The following GFOD2 variants were observed in gnomAD, a reference collection of about 807,000 sequenced individuals.
GFOD2 encodes the protein glucose-fructose oxidoreductase domain-containing protein 2.
Under a neutral mutation model 24.6 loss-of-function variants are expected in GFOD2, and 9 were observed. That is an observed-to-expected ratio of 0.37 (90% CI 0.22 to 0.64). The LOEUF is 0.64. GFOD2 is among the 30% of genes least tolerant of loss of function. The pLI is 0.65. For missense variants in GFOD2, 476 were observed against 532.5 expected (o/e 0.89, Z 1.04); for synonymous variants, 211 against 224.8 (o/e 0.94, Z 0.55).
chr16:67,691,211 C>G (rs910570031), intron 1 of GFOD2, among the ~76,000 whole-genome samples: 1 of 151,014 alleles, frequency 6.6e-6, no homozygotes, highest in Non-Finnish European at 1.5e-5. Context: ...TGGTCACTAT[C>G]ATAATTTTTA....
In GFOD2 at chr16:67,688,774, G is replaced by A. The variant is rs1430492102; in HGVS notation, c.-87-2972C>T. 2.9e-5 allele frequency among the ~76,000 whole-genome samples: 4 copies of A among 135,650 alleles called. No individual in the cohort carries two copies. The Admixed American group carries it at 3.3e-4, about 11-fold the overall frequency. 89.0% of individuals were successfully genotyped at this position (135,650 alleles called of 152,430 possible). A position where few individuals can be genotyped will look rare whatever the true frequency, so the allele number is the denominator to read the frequency against. ...TTTTGAGACGGAGTCTCGCTCTGTC[G>A]CCCAGGCTGGAGTGCAGTGGCATGG... On this transcript the variant is annotated intron_variant, in intron 1 of 2. Coordinates refer to ENST00000268797, the MANE Select transcript of GFOD2 (RefSeq NM_030819.4).
At chr16:67,680,701 G>C in intron 2 of GFOD2, 1 of 981,670 alleles carries the variant, frequency 1.0e-6, no homozygotes, top group Non-Finnish European at 1.2e-6. Flanking sequence ...AAGGAACAAG[G>C]CATGTGGATT....
intron 1 of GFOD2, among the ~76,000 whole-genome samples, chr16:67,687,557 C>A (rs2053276964): frequency 6.9e-6 from 1 of 145,572 alleles, no homozygotes; most frequent in South Asian, 2.1e-4. Flanking sequence ...AGGAGAATGG[C>A]GTGAACCCAG....
At chr16:67,680,563 C>T (rs552840448) in intron 2 of GFOD2, 1 of 199,084 alleles carries the variant, frequency 5.0e-6, no homozygotes, top group South Asian at 1.8e-4. Flanking sequence ...CCTTCCCCCT[C>T]CTCTCACTTC....
chr16:67,696,527 G>A (rs1431175508), intron 1 of GFOD2, among the ~76,000 whole-genome samples: 4 of 151,978 alleles, frequency 2.6e-5, no homozygotes, highest in Non-Finnish European at 4.4e-5. Context: ...AGGCTGGAGT[G>A]CAGTGGCGCG....
chr16:67,702,425 G>GATCAA (rs1158934979), intron 1 of GFOD2, among the ~76,000 whole-genome samples: 2 of 151,410 alleles, frequency 1.3e-5, no homozygotes, highest in Non-Finnish European at 2.9e-5. Flanking sequence ...AGTGAACAGA[G>GATCAA]ATCATGTCAC....
intron 2 of GFOD2, chr16:67,681,546 C>A: frequency 1.9e-6 from 1 of 518,526 alleles, no homozygotes; most frequent in Non-Finnish European, 2.5e-6. Flanking sequence ...GTAGCTGGGA[C>A]CACAGGTGCA....
intron 1 of GFOD2, among the ~76,000 whole-genome samples, chr16:67,686,340 T>C (rs1475359336): frequency 1.3e-5 from 2 of 152,112 alleles, no homozygotes; most frequent in Non-Finnish European, 2.9e-5. Flanking sequence ...TCTTCTTCCA[T>C]GGAGACTGAA....
At chr16:67,718,976 A>G (rs1292229091) in intron 1 of GFOD2, among the ~76,000 whole-genome samples, 187 bp downstream of exon 1, 1 of 152,150 alleles carries the variant, frequency 6.6e-6, no homozygotes, top group Non-Finnish European at 1.5e-5. Context: ...GGAAAGGGCG[A>G]ATCCCAAGGC....
chr16:67,682,848 G>GGATCA (rs1358431308), intron 2 of GFOD2: 1 of 984,930 alleles, frequency 1.0e-6, no homozygotes, highest in East Asian at 1.1e-4. Context: ...CAAAATGATT[G>GGATCA]GATCAGTGGC....
intron 1 of GFOD2, among the ~76,000 whole-genome samples, chr16:67,693,798 T>C (rs1194231623): frequency 6.6e-6 from 1 of 151,986 alleles, no homozygotes; most frequent in African/African-American, 2.4e-5. Flanking sequence ...CTCATGCCTG[T>C]AATCCCAGCA....
intron 1 of GFOD2, among the ~76,000 whole-genome samples, chr16:67,710,520 T>G (rs537158190): frequency 8.4e-4 from 128 of 152,214 alleles, no homozygotes; most frequent in Middle Eastern, 6.8e-3. Flanking sequence ...CCTGCTACCA[T>G]GCCCGGCTAA....
intron 1 of GFOD2, among the ~76,000 whole-genome samples, chr16:67,692,999 C>A (rs1364596269): frequency 6.6e-6 from 1 of 151,814 alleles, no homozygotes; most frequent in Admixed American, 6.6e-5. Flanking sequence ...CACTGCACTC[C>A]AGCCTGGGCG....
intron 1 of GFOD2, among the ~76,000 whole-genome samples, chr16:67,710,119 TG>T (rs893902840): frequency 6.6e-6 from 1 of 151,508 alleles, no homozygotes; most frequent in African/African-American, 2.4e-5. Context: ...TAATTTTTTT[TG>T]TATTTTTATT....
intron 2 of GFOD2, chr16:67,683,907 T>C: frequency 8.9e-7 from 1 of 1,120,098 alleles, no homozygotes; most frequent in Non-Finnish European, 1.1e-6. Context: ...AGTAAGTATG[T>C]GCTAGTTGAA....
chr16:67,689,397 G>A (rs1364884342), intron 1 of GFOD2, among the ~76,000 whole-genome samples: 3 of 151,482 alleles, frequency 2.0e-5, no homozygotes, highest in South Asian at 2.1e-4. Context: ...ACAGCTGGGC[G>A]TGGTGGCTCA....
intron 2 of GFOD2, chr16:67,680,896 T>C (rs1334776209): frequency 1.0e-6 from 1 of 985,420 alleles, no homozygotes; most frequent in Non-Finnish European, 1.2e-6. Flanking sequence ...TGCTCTTCTT[T>C]AATAAAAGAA....
At chr16:67,707,722 A>G (rs1281640677) in intron 1 of GFOD2, among the ~76,000 whole-genome samples, 2 of 152,184 alleles carry the variant, frequency 1.3e-5, no homozygotes, top group Admixed American at 1.3e-4. Context: ...AAATTTTATT[A>G]ATTTTTTTGT....
intron 2 of GFOD2, chr16:67,682,010 T>A: frequency 3.0e-6 from 1 of 338,390 alleles, no homozygotes; most frequent in Non-Finnish European, 4.2e-6. Context: ...CAAGATCCTG[T>A]CTCTACAAAA....
Sources: allele counts gnomAD v4.1 joint callset (sites outside exome capture counted in the v4.1 genomes callset), GRCh38; gene constraint gnomAD v4.1.1; transcripts MANE v1.5; gene names NCBI Gene and HGNC (gene_info 2026-07-23, HGNC 2026-07-21).